SLC37A3: variants seen among roughly 807,000 people sequenced by gnomAD.
The protein encoded by SLC37A3 is solute carrier family 37 member 3.
SLC37A3 carries 51 observed loss-of-function variants against 67.1 expected under a neutral mutation model. That is an observed-to-expected ratio of 0.76 (90% CI 0.61 to 0.96). The LOEUF (loss-of-function observed/expected upper bound fraction) is 0.96. Ranked by LOEUF, SLC37A3 falls within the 40% of genes least tolerant of loss-of-function variation. The pLI, the probability that SLC37A3 is intolerant of heterozygous loss-of-function variation, is 0.00. For missense variants in SLC37A3, 508 were observed against 603.0 expected (o/e 0.84, Z 1.65); for synonymous variants, 214 against 231.4 (o/e 0.92, Z 0.68).
At chr7:140,372,208 C>T (rs1797848669) in intron 3 of SLC37A3, among the ~76,000 whole-genome samples, 1 of 152,150 alleles carries the variant, frequency 6.6e-6, no homozygotes, top group African/African-American at 2.4e-5. Flanking sequence ...GAATTTCCCC[C>T]GCAATAGACA....
intron 7 of SLC37A3, among the ~76,000 whole-genome samples, chr7:140,355,289 G>C (rs1407578889): frequency 1.3e-5 from 2 of 151,788 alleles, no homozygotes; most frequent in African/African-American, 4.8e-5. Context: ...TTGGCTCACT[G>C]CAACCTCCGC....
chr7:140,351,103 T>A (rs1177231140), intron 9 of SLC37A3, among the ~76,000 whole-genome samples, 170 bp downstream of exon 9: 1 of 152,180 alleles, frequency 6.6e-6, no homozygotes, highest in Non-Finnish European at 1.5e-5. Flanking sequence ...AACCCCTGCA[T>A]TAGAGATCAG....
At chr7:140,396,160 C>T (rs1359691252) in intron 1 of SLC37A3, among the ~76,000 whole-genome samples, 3 of 151,756 alleles carry the variant, frequency 2.0e-5, no homozygotes, top group Non-Finnish European at 4.4e-5. Context: ...GCTGGGACTA[C>T]AGGTGGGCAC....
Position 140,364,409 on chromosome 7 carries a change from A to G in SLC37A3, c.374T>C (p.Val125Ala), listed in dbSNP as rs759929124. 5 of 1,613,270 alleles carry G rather than the reference A, an allele frequency of 3.1e-6. No homozygotes were observed. The South Asian group carries it at 5.5e-5, about 18-fold the overall frequency. ...LSFGMCSSAL[V>A]VFVFGALTEW... ...TAATAATAAGACCTTTCAACTTACC[A>G]CTAATGCAGAAGAGCACATGCCAAA... The change falls in exon 5 of 15, where the codon GTG becomes GCG. Residue 125 changes from valine (V) to alanine (A), a missense_variant and splice_region_variant. Transcript: ENST00000326232.
chr7:140,353,256 G>A (rs867072345), intron 7 of SLC37A3, among the ~76,000 whole-genome samples: 65 of 152,072 alleles, frequency 4.3e-4, no homozygotes, highest in African/African-American at 1.4e-3. Flanking sequence ...GCCGAGGTGG[G>A]CGGATCACCT....
In SLC37A3 at chr7:140,387,749, A is replaced by AAATATAAATATACTATATATTATATAT. The variant is rs1563053300; in HGVS notation, c.-70-5154_-70-5153insATATATAATATATAGTATATTTATATT. ...TATATAAATATACTATATATTATATAAATATAAATATATTATATATATTAT... is the reference window on the plus strand; with the variant it reads ...TATATAAATATACTATATATTATATAAATATAAATATACTATATATTATATATAATATAAATATATTATATATATTAT... On this transcript the variant is annotated intron_variant, in intron 1 of 14. Coordinates refer to ENST00000326232, the MANE Select transcript of SLC37A3 (RefSeq NM_207113.3). Among the ~76,000 whole-genome samples the AAATATAAATATACTATATATTATATAT allele has an allele frequency of 1.8e-3, 30 of 16,992 alleles. 1 individual carries two copies. The highest frequency in any genetic ancestry group is 8.0e-3 in the African/African-American group (28 of 3,506). The allele number at this position is 16,992 out of a possible 152,430, so 11.1% of individuals were successfully genotyped here.
intron 1 of SLC37A3, among the ~76,000 whole-genome samples, chr7:140,394,016 C>G (rs1798822739): frequency 6.6e-6 from 1 of 151,862 alleles, no homozygotes; most frequent in Non-Finnish European, 1.5e-5. Context: ...ACAAAAAATA[C>G]AAAAATCAGC....
rs180703773 is a variant in SLC37A3, at chr7:140,387,608, C to G, written c.-70-5012G>C. Among the ~76,000 whole-genome samples, 18 of 126,508 alleles carry G rather than the reference C, an allele frequency of 1.4e-4. 1 individual carries two copies. The East Asian group carries it at 3.8e-3, about 26-fold the overall frequency. The allele number at this position is 126,508 out of a possible 152,430, so 83.0% of individuals were successfully genotyped here. On this transcript the variant is annotated intron_variant, in intron 1 of 14. Coordinates refer to ENST00000326232, the MANE Select transcript of SLC37A3 (RefSeq NM_207113.3). ...CCAGCCTGGGCAAAAGACTGAGACTCCATCTAAATAAATATATATATTATA... is the reference window on the plus strand; with the variant it reads ...CCAGCCTGGGCAAAAGACTGAGACTGCATCTAAATAAATATATATATTATA...
chr7:140,354,456 A>T (rs1405514922), intron 7 of SLC37A3, among the ~76,000 whole-genome samples: 3 of 151,760 alleles, frequency 2.0e-5, no homozygotes. Flanking sequence ...TTTAAACAAC[A>T]TAGCTTTAAT....
intron 1 of SLC37A3, among the ~76,000 whole-genome samples, chr7:140,395,989 C>T (rs923228223): frequency 6.6e-6 from 1 of 151,246 alleles, no homozygotes; most frequent in Non-Finnish European, 1.5e-5. Context: ...TGCAGTTTAG[C>T]GTCTCAATGC....
At chr7:140,395,379 T>TAAAAAAAAAA (rs35674101) in intron 1 of SLC37A3, among the ~76,000 whole-genome samples, 1 of 77,794 alleles carries the variant, frequency 1.3e-5, no homozygotes, top group Non-Finnish European at 2.3e-5. Flanking sequence ...CATCTCAAAT[T>TAAAAAAAAAA]AAAAAAAAAA....
intron 5 of SLC37A3, among the ~76,000 whole-genome samples, chr7:140,359,993 C>T (rs1373316304): frequency 6.6e-6 from 1 of 152,150 alleles, no homozygotes; most frequent in Non-Finnish European, 1.5e-5. Context: ...TAAAGTGCTT[C>T]CATCTCTAAA....
chr7:140,370,721 T>C (rs1418597868), intron 3 of SLC37A3, among the ~76,000 whole-genome samples: 2 of 152,212 alleles, frequency 1.3e-5, no homozygotes, highest in Admixed American at 6.5e-5. Flanking sequence ...AAAAGGTAAC[T>C]AAAATTCACA....
At chr7:140,366,685 G>A (rs1229253785) in intron 4 of SLC37A3, among the ~76,000 whole-genome samples, 1 of 152,076 alleles carries the variant, frequency 6.6e-6, no homozygotes, top group Non-Finnish European at 1.5e-5. Flanking sequence ...GAAGAGAAGC[G>A]AGCACCCTGT....
In SLC37A3 at chr7:140,398,508, C is replaced by A. The variant is rs1217947142; in HGVS notation, c.-163G>T. The A allele has an allele frequency of 6.6e-6, 1 of 152,192 alleles. No individual in the cohort carries two copies. Among genetic ancestry groups the A allele is most frequent in the Non-Finnish European group, 1.5e-5 (1 of 68,060 alleles). The allele number at this position is 152,192 out of a possible 1,614,324, so 9.4% of individuals were successfully genotyped here. ...CCCGCCTCCCCCGCCGCCAGCTCAC[C>A]CCTGGCGGTGCGACCAGGGTTTCCG... is the stretch of plus-strand genomic sequence containing the variant. On this transcript the variant is annotated 5_prime_UTR_variant, in exon 1 of 15. Transcript: ENST00000326232.
At position 140,377,555 on chromosome 7, in the gene SLC37A3, G is replaced by T. The variant is rs140924659; in HGVS notation, c.198+2727C>A. Among the ~76,000 whole-genome samples the T allele has an allele frequency of 6.6e-5, 10 of 152,206 alleles. No individual in the cohort carries two copies. In the East Asian group the frequency reaches 1.9e-3, roughly 29 times the overall value. ...TGTTTACTCACTATTTCCAATGTTT[G>T]TCGATGTCAGTGAACCCATTATAAA... On this transcript the variant is annotated intron_variant, in intron 3 of 14. Coordinates refer to ENST00000326232, the MANE Select transcript of SLC37A3 (RefSeq NM_207113.3).
chr7:140,369,743 C>G, intron 3 of SLC37A3, 61 bp from the exon 4 acceptor site: 2 of 1,370,844 alleles, frequency 1.5e-6, no homozygotes, highest in Non-Finnish European at 2.1e-6. Context: ...TTTCTGTTTC[C>G]CAAAGCCCCT....
At chr7:140,387,653 TATATAA>T (rs1158424444) in intron 1 of SLC37A3, among the ~76,000 whole-genome samples, 3 of 116,930 alleles carry the variant, frequency 2.6e-5, no homozygotes, top group Non-Finnish European at 3.3e-5. Flanking sequence ...ATATATATAT[TATATAA>T]ATATAAATAT....
intron 5 of SLC37A3, among the ~76,000 whole-genome samples, chr7:140,359,914 C>A (rs558087557): frequency 1.3e-5 from 2 of 151,966 alleles, no homozygotes; most frequent in African/African-American, 4.8e-5. Context: ...ACATAAAACA[C>A]AAAAAAGTCT....
Sources: gnomAD v4.1 joint callset for allele counts (sites outside exome capture counted in the v4.1 genomes callset) on GRCh38, gnomAD v4.1.1 for gene constraint, MANE v1.5 for transcripts, NCBI Gene and HGNC (gene_info 2026-07-23, HGNC 2026-07-21) for gene names.